PRPF19: variants seen among roughly 807,000 people sequenced by gnomAD.
PRPF19 encodes the protein pre-mRNA processing factor 19, also known as pre-mRNA-processing factor 19.
A neutral mutation model predicts 64.2 loss-of-function variants in PRPF19; 2 were observed. The ratio of observed to expected loss-of-function variants is 0.03; its 90% CI spans 0.01 to 0.10. The LOEUF (loss-of-function observed/expected upper bound fraction) is 0.10, where lower values mean the gene tolerates loss of function less well. PRPF19 is among the 10% of genes least tolerant of loss of function. PRPF19 has a pLI of 1.00. For missense variants in PRPF19, 314 were observed against 650.0 expected (o/e 0.48, Z 5.62); for synonymous variants, 226 against 251.6 (o/e 0.90, Z 0.96).
chr11:60,896,119 T>G (rs1025983761), intron 15 of PRPF19, among the ~76,000 whole-genome samples: 1 of 152,170 alleles, frequency 6.6e-6, no homozygotes, highest in Admixed American at 6.5e-5. Flanking sequence ...AACCTTCAAT[T>G]TATAAAAAGC....
chr11:60,901,062 T>C (rs1383382912), intron 8 of PRPF19, 133 bp from the exon 9 acceptor site: 9 of 1,091,502 alleles, frequency 8.2e-6, no homozygotes, highest in Non-Finnish European at 9.5e-6. Context: ...TCCTTATCCA[T>C]ACCTCTTGGC....
Position 60,902,596 on chromosome 11 carries a change from T to C in PRPF19, c.449A>G (p.Gln150Arg). The C allele has an allele frequency of 1.2e-6, 2 of 1,613,926 alleles. No homozygotes were observed. The highest frequency in any genetic ancestry group is 1.3e-5 in the African/African-American group (1 of 75,010). The change falls in exon 5 of 16, where the codon CAA (glutamine) becomes CGA (arginine). Residue 150 changes from glutamine (Q) to arginine (R), a missense_variant. Coordinates refer to ENST00000227524, the MANE Select transcript of PRPF19 (RefSeq NM_014502.5). This position sits in a 1 kb window ranked among gnomAD's most constrained non-coding sequence, Gnocchi z 5.0. The stretch of plus-strand genomic sequence containing the variant: ...GGGGACACTTACCACAACACTTGGT[T>C]GGGAACTTGGCACAGCCTGGGGCAC... ...LIVPQAVPSSQPSVVGAGEPM... is the reference protein window; with the variant it reads ...LIVPQAVPSSRPSVVGAGEPM...
intron 2 of PRPF19, 49 bp from the exon 3 acceptor site, chr11:60,903,584 C>T (rs1856009649): frequency 6.2e-7 from 1 of 1,602,526 alleles, no homozygotes; most frequent in Non-Finnish European, 8.5e-7. Flanking sequence ...GGGGCCTCCC[C>T]CGCCATCACA....
intron 8 of PRPF19, 105 bp downstream of exon 8, chr11:60,901,190 G>A: frequency 1.6e-6 from 2 of 1,281,370 alleles, no homozygotes; most frequent in South Asian, 1.3e-5. Context: ...AACAGCGCCA[G>A]GAACCTGGGA....
At position 60,898,999 on chromosome 11, in the gene PRPF19, C is replaced by G. The variant is rs1855951752; in HGVS notation, c.985-68G>C. 1 of 1,513,184 alleles carries G rather than the reference C, an allele frequency of 6.6e-7. No homozygotes were observed. Among genetic ancestry groups the G allele is most frequent in the Non-Finnish European group, 9.0e-7 (1 of 1,114,350 alleles). 93.7% of individuals were successfully genotyped at this position (1,513,184 alleles called of 1,614,324 possible). On this transcript the variant is annotated intron_variant, in intron 11 of 15. Transcript: ENST00000227524. The surrounding 1 kb of genome is among the most constrained non-coding windows in gnomAD (Gnocchi z 4.6). Reference sequence around the variant, plus strand: ...GTCCCAGGTTCTGGTGGCCCTTCAGCAAGACAGAGCCCCTGGTTTGGCAAA... The same window carrying G: ...GTCCCAGGTTCTGGTGGCCCTTCAGGAAGACAGAGCCCCTGGTTTGGCAAA...
Position 60,902,825 on chromosome 11 carries a change from T to C in PRPF19, c.303A>G (p.Gln101=), listed in dbSNP as rs1257705767. The change falls in exon 4 of 16, where the codon CAA becomes CAG. Residue 101 remains glutamine, a synonymous_variant. Transcript: ENST00000227524. This position sits in a 1 kb window ranked among gnomAD's most constrained non-coding sequence, Gnocchi z 5.0. ...GCTGGTACAGAGCGTGTGACAGCTC[T>C]TGGCGGGTTGTCTGCAGCTGCTGGC... The part of the protein sequence containing the change: ...TLRQQLQTTR[Q]ELSHALYQHD... 1.9e-6 allele frequency: 3 copies of C among 1,614,122 alleles called. No individual in the cohort carries two copies. Among genetic ancestry groups the C allele is most frequent in the East Asian group, 2.2e-5 (1 of 44,882 alleles).
chr11:60,900,495 G>A (rs1448093684), intron 10 of PRPF19, 87 bp downstream of exon 10: 56 of 1,107,010 alleles, frequency 5.1e-5, no homozygotes, highest in Non-Finnish European at 7.2e-5. Context: ...CTCTTTCCCA[G>A]CCCCACTTCA....
intron 1 of PRPF19, chr11:60,905,499 A>G (rs1856035902): frequency 6.6e-6 from 1 of 152,270 alleles, no homozygotes; most frequent in Admixed American, 6.5e-5. Flanking sequence ...GAAACGAGTA[A>G]TCTGATGAAA....
intron 3 of PRPF19, among the ~76,000 whole-genome samples, chr11:60,903,186 C>T (rs975859593): frequency 2.6e-5 from 4 of 152,180 alleles, no homozygotes; most frequent in African/African-American, 9.7e-5. Context: ...AACACTGCTG[C>T]TGCTGCTATT....
chr11:60,898,478 A>C lies in PRPF19; in HGVS notation c.1140+63T>G. 3 of 1,611,886 alleles carry C rather than the reference A, an allele frequency of 1.9e-6. No homozygotes were observed. Among genetic ancestry groups the C allele is most frequent in the Non-Finnish European group, 2.5e-6 (3 of 1,179,060 alleles). On this transcript the variant is annotated intron_variant, in intron 13 of 15. Coordinates refer to ENST00000227524, the MANE Select transcript of PRPF19 (RefSeq NM_014502.5). The surrounding 1 kb of genome is among the most constrained non-coding windows in gnomAD (Gnocchi z 4.6). ...CAGGTGCCACAAGCACCTAATTAGC[A>C]CTGCATTGTCACAAACACTCCCTCT... is the stretch of plus-strand genomic sequence containing the variant.
In PRPF19 at chr11:60,902,283, G is replaced by T. The variant is rs1184978854; in HGVS notation, c.525+120C>A. ...CAAACCCAGGCAATCTGGTCCCAGG[G>T]TCCATGCTCTGCACCACTCAACTCC... is the stretch of plus-strand genomic sequence containing the variant. On this transcript the variant is annotated intron_variant, in intron 6 of 15. Coordinates refer to ENST00000227524, the MANE Select transcript of PRPF19 (RefSeq NM_014502.5). The surrounding 1 kb of genome is among the most constrained non-coding windows in gnomAD (Gnocchi z 5.0). 1.8e-6 allele frequency: 2 copies of T among 1,121,210 alleles called. No homozygotes were observed. The highest frequency in any genetic ancestry group is 1.5e-5 in the African/African-American group (1 of 64,874). The allele number at this position is 1,121,210 out of a possible 1,614,324, so 69.5% of individuals were successfully genotyped here. A position where few individuals can be genotyped will look rare whatever the true frequency, so the allele number is the denominator to read the frequency against.
Position 60,898,618 on chromosome 11 carries a change from A to G in PRPF19, c.1063T>C (p.Cys355Arg). 1 of 1,614,158 alleles carries G rather than the reference A, an allele frequency of 6.2e-7. No individual in the cohort carries two copies. Among genetic ancestry groups the G allele is most frequent in the Non-Finnish European group, 8.5e-7 (1 of 1,180,016 alleles). ...TDETSGCSLT[C>R]AQFHPDGLIF... ...AGTCCGTCAGGGTGGAACTGTGCAC[A>G]GGTGAGAGCTGTGGAGGAGGGAAGA... The change falls in exon 13 of 16, where the codon TGT becomes CGT. Residue 355 changes from cysteine to arginine, a missense_variant. By Grantham distance (180) the Cys-to-Arg change is radical. Transcript: ENST00000227524. The surrounding 1 kb of genome is among the most constrained non-coding windows in gnomAD (Gnocchi z 4.6).
rs1167411081 is a variant in PRPF19, at chr11:60,898,218, G to A, written c.1194C>T (p.Ile398=). The A allele has an allele frequency of 1.2e-6, 2 of 1,614,006 alleles. No homozygotes were observed. The highest frequency in any genetic ancestry group is 2.2e-5 in the East Asian group (1 of 44,890). ...GGTAGTAACCATTCTCAGAGAAGGC[G>A]ATGCTAGTGATGGGGCCCGAGTGGC... ...FPGHSGPITS[I]AFSENGYYLA... The change falls in exon 14 of 16, where the codon ATC becomes ATT. Residue 398 remains isoleucine (I), a synonymous_variant. Coordinates refer to ENST00000227524, the MANE Select transcript of PRPF19 (RefSeq NM_014502.5). This position sits in a 1 kb window ranked among gnomAD's most constrained non-coding sequence, Gnocchi z 4.6.
In PRPF19 at chr11:60,897,692, C is replaced by T. The variant is rs188738554; in HGVS notation, c.1417+154G>A. ...GCATCTACTGCCATGCAGTCTGACT[C>T]AGTTGCTTCCTTAGTCATAAAGCTC... is the stretch of plus-strand genomic sequence containing the variant. On this transcript the variant is annotated intron_variant, in intron 15 of 15. Coordinates refer to ENST00000227524, the MANE Select transcript of PRPF19 (RefSeq NM_014502.5). 14 of 622,582 alleles carry T rather than the reference C, an allele frequency of 2.2e-5. No individual in the cohort carries two copies. In the East Asian group the frequency reaches 3.1e-4, roughly 14 times the overall value. The allele number at this position is 622,582 out of a possible 1,614,324, so 38.6% of individuals were successfully genotyped here. A position where few individuals can be genotyped will look rare whatever the true frequency, so the allele number is the denominator to read the frequency against.
Position 60,898,444 on chromosome 11 carries a change from C to T in PRPF19, c.1140+97G>A, listed in dbSNP as rs1855945125. 2 of 1,586,628 alleles carry T rather than the reference C, an allele frequency of 1.3e-6. No individual in the cohort carries two copies. The highest frequency in any genetic ancestry group is 1.7e-6 in the Non-Finnish European group (2 of 1,165,124). ...ACACGCACAGCCAGTGTCTCTCCAC[C>T]TTCAGGGCCAGGTGCCACAAGCACC... On this transcript the variant is annotated intron_variant, in intron 13 of 15. Coordinates refer to ENST00000227524, the MANE Select transcript of PRPF19 (RefSeq NM_014502.5). The surrounding 1 kb of genome is among the most constrained non-coding windows in gnomAD (Gnocchi z 4.6).
At chr11:60,900,752 G>A in intron 9 of PRPF19, 61 bp from the exon 10 acceptor site, 1 of 1,577,600 alleles carries the variant, frequency 6.3e-7, no homozygotes. Context: ...TTTTGCTCAA[G>A]GAAATGCTTT....
rs1426091627 is a variant in PRPF19 at position 60,899,299 on chromosome 11, C to G, written c.834G>C (p.Leu278=). 3 of 1,610,440 alleles carry G rather than the reference C, an allele frequency of 1.9e-6. No individual in the cohort carries two copies. Among genetic ancestry groups the G allele is most frequent in the Non-Finnish European group, 1.7e-6 (2 of 1,176,676 alleles). The change falls in exon 11 of 16, where the codon CTG becomes CTC. Residue 278 remains leucine (L), a synonymous_variant. Coordinates refer to ENST00000227524, the MANE Select transcript of PRPF19 (RefSeq NM_014502.5). ...TGGCATCGGGGGAAGCAGAAAACACCAGGTCCTACAAGGAAAACAAAGACA... is the reference window on the plus strand; with the variant it reads ...TGGCATCGGGGGAAGCAGAAAACACGAGGTCCTACAAGGAAAACAAAGACA... The part of the protein sequence containing the change: ...TSVVFHPSQD[L]VFSASPDATI...
At chr11:60,905,625 C>T (rs956349402) in intron 1 of PRPF19, among the ~76,000 whole-genome samples, 2 of 152,224 alleles carry the variant, frequency 1.3e-5, no homozygotes, top group African/African-American at 4.8e-5. Flanking sequence ...CACCTAACTA[C>T]GTCACCCAGC....
chr11:60,898,330 G>T lies in PRPF19; in HGVS notation c.1141-59C>A. On this transcript the variant is annotated intron_variant, in intron 13 of 15. Coordinates refer to ENST00000227524, the MANE Select transcript of PRPF19 (RefSeq NM_014502.5). This position sits in a 1 kb window ranked among gnomAD's most constrained non-coding sequence, Gnocchi z 4.6. ...CACAGATCATGAGAGGAAGAAAATG[G>T]GGCTCACCAAACTCCTACCTGAGAT... 6.3e-7 allele frequency: 1 copy of T among 1,582,364 alleles called. No individual in the cohort carries two copies.
Sources: allele counts gnomAD v4.1 joint callset (sites outside exome capture counted in the v4.1 genomes callset), GRCh38; gene constraint gnomAD v4.1.1; non-coding constraint Gnocchi (gnomAD v3.1); transcripts MANE v1.5; gene names NCBI Gene and HGNC (gene_info 2026-07-23, HGNC 2026-07-21).